SANBR: variants seen among roughly 807,000 people sequenced by gnomAD.
The protein encoded by SANBR is SANT and BTB domain regulator of CSR, also known as SANT and BTB domain regulator of class switch recombination.
SANBR carries 77 observed loss-of-function variants against 101.8 expected under a neutral mutation model. The ratio of observed to expected loss-of-function variants is 0.76; its 90% CI spans 0.63 to 0.91. The LOEUF (loss-of-function observed/expected upper bound fraction) is 0.91. Among genes scored for constraint, SANBR ranks in the 40% least tolerant of loss-of-function variants. The pLI is 0.00. For synonymous variants in SANBR, 279 were observed against 274.7 expected (o/e 1.02, Z -0.15); for missense variants, 875 against 853.0 (o/e 1.03, Z -0.32).
chr2:61,097,814 C>G lies in SANBR; in HGVS notation c.1327C>G (p.Gln443Glu), dbSNP rs1325247642. 6.2e-7 allele frequency: 1 copy of G among 1,613,196 alleles called. No homozygotes were observed. Among genetic ancestry groups the G allele is most frequent in the Middle Eastern group, 1.7e-4 (1 of 6,052 alleles). The change falls in exon 12 of 22, where the codon CAA becomes GAA. Residue 443 changes from glutamine to glutamate, a missense_variant. Physicochemically the swap from Gln to Glu is conservative, Grantham distance 29. Coordinates refer to ENST00000402291, the MANE Select transcript of SANBR (RefSeq NM_001129993.3). ...CACTGGAATTTATCCCTGCTGTAAC[C>G]AAAAGGTTCTTCGGTTTGATCCTAC... ...VGTGIYPCCN[Q>E]KVLRFDPTQL...
chr2:61,081,326 G>A lies in SANBR; in HGVS notation c.671-126G>A, dbSNP rs781291356. ...TTTATTTTATGTATCTAACCCATAAGCTATAATAAGATTGTATTAAATTAT... is the reference window on the plus strand; with the variant it reads ...TTTATTTTATGTATCTAACCCATAAACTATAATAAGATTGTATTAAATTAT... On this transcript the variant is annotated intron_variant, in intron 6 of 21. Transcript: ENST00000402291. 2.8e-4 allele frequency: 256 copies of A among 928,046 alleles called. 2 individuals are homozygous for A. The highest frequency in any genetic ancestry group is 3.8e-4 in the Non-Finnish European group (244 of 641,706). 57.5% of individuals were successfully genotyped at this position (928,046 alleles called of 1,614,324 possible).
intron 20 of SANBR, among the ~76,000 whole-genome samples, chr2:61,118,501 A>G (rs1684185030): frequency 6.6e-6 from 1 of 151,204 alleles, no homozygotes; most frequent in Non-Finnish European, 1.5e-5. Context: ...TTGGCCTCCC[A>G]AAGTGCTGGG....
At chr2:61,074,794 C>G (rs1203400814) in intron 5 of SANBR, among the ~76,000 whole-genome samples, 2 of 152,146 alleles carry the variant, frequency 1.3e-5, no homozygotes, top group Non-Finnish European at 2.9e-5. Flanking sequence ...ATATTTTATA[C>G]TCTAGTCTAA....
chr2:61,070,973 C>T (rs1367028253), intron 3 of SANBR, among the ~76,000 whole-genome samples: 1 of 151,614 alleles, frequency 6.6e-6, no homozygotes, highest in Non-Finnish European at 1.5e-5. Context: ...CTTTCTGCCA[C>T]TTCCTCCCAA....
chr2:61,086,361 A>G (rs1030741163), intron 8 of SANBR, among the ~76,000 whole-genome samples: 1 of 151,724 alleles, frequency 6.6e-6, no homozygotes, highest in Admixed American at 6.6e-5. Context: ...CCTAAAATAA[A>G]TTAAATAAAT....
At chr2:61,086,593 A>G (rs1390456397) in intron 8 of SANBR, among the ~76,000 whole-genome samples, 1 of 152,148 alleles carries the variant, frequency 6.6e-6, no homozygotes, top group Non-Finnish European at 1.5e-5. Flanking sequence ...AAGTGACCAA[A>G]TGTGTGGAAT....
At chr2:61,083,583 A>AT (rs1354027001) in intron 8 of SANBR, among the ~76,000 whole-genome samples, 2 of 148,506 alleles carry the variant, frequency 1.3e-5, no homozygotes, top group African/African-American at 2.6e-5. Flanking sequence ...AAAAAAAAAA[A>AT]TTTTGACCAG....
chr2:61,108,343 A>T lies in SANBR; in HGVS notation c.1638A>T (p.Leu546=), dbSNP rs187649382. Reference sequence around the variant, plus strand: ...TCTTGTCATTGAAAAACTGGACTCTACAACTGGTAAGTGAGCAATTACAGT... The same window carrying T: ...TCTTGTCATTGAAAAACTGGACTCTTCAACTGGTAAGTGAGCAATTACAGT... ...NAFLSLKNWT[L]QLKQQSLFSE... is the part of the protein sequence containing the mutation. Residue 546 remains leucine, a synonymous_variant, in exon 15 of 22, where the codon CTA becomes CTT. Coordinates refer to ENST00000402291, the MANE Select transcript of SANBR (RefSeq NM_001129993.3). 62 of 1,570,930 alleles carry T rather than the reference A, an allele frequency of 3.9e-5. No homozygotes were observed. The highest frequency in any genetic ancestry group is 5.3e-5 in the Non-Finnish European group (61 of 1,153,570).
At chr2:61,094,665 T>TG (rs1373133122) in intron 11 of SANBR, among the ~76,000 whole-genome samples, 1 of 135,404 alleles carries the variant, frequency 7.4e-6, no homozygotes, top group Admixed American at 7.9e-5. Context: ...TTTTTTGAGA[T>TG]GGAGTTTCAC....
At chr2:61,082,548 G>C (rs554829730) in intron 7 of SANBR, among the ~76,000 whole-genome samples, 1 of 152,192 alleles carries the variant, frequency 6.6e-6, no homozygotes, top group African/African-American at 2.4e-5. Context: ...CAGACCAGGC[G>C]CGGTGGCTCA....
At chr2:61,117,433 A>G in intron 18 of SANBR, 34 bp from the exon 19 acceptor site, 1 of 1,612,786 alleles carries the variant, frequency 6.2e-7, no homozygotes, top group Non-Finnish European at 8.5e-7. Context: ...TTAAAGAAGC[A>G]TCAATGCTGA....
Position 61,122,553 on chromosome 2 carries a change from T to A in SANBR, c.*391T>A. 2 of 995,044 alleles carry A rather than the reference T, an allele frequency of 2.0e-6. No individual in the cohort carries two copies. The highest frequency in any genetic ancestry group is 1.7e-5 in the African/African-American group (1 of 57,682). The allele number at this position is 995,044 out of a possible 1,614,324, so 61.6% of individuals were successfully genotyped here. A position where few individuals can be genotyped will look rare whatever the true frequency, so the allele number is the denominator to read the frequency against. The stretch of plus-strand genomic sequence containing the variant: ...TAGTGTTACCATGCATGGCACTGAT[T>A]GTAGTATGTCTTTGGAGCTGTAAAT... On this transcript the variant is annotated 3_prime_UTR_variant, in exon 22 of 22. Transcript: ENST00000402291.
chr2:61,087,198 A>G (rs1682480398), intron 8 of SANBR, among the ~76,000 whole-genome samples: 1 of 152,188 alleles, frequency 6.6e-6, no homozygotes, highest in South Asian at 2.1e-4. Context: ...TCATATACCT[A>G]GTTATTGGTA....
intron 14 of SANBR, among the ~76,000 whole-genome samples, chr2:61,107,321 A>G (rs973572635): frequency 2.0e-5 from 3 of 152,154 alleles, no homozygotes; most frequent in African/African-American, 7.2e-5. Context: ...TTTTATTGTA[A>G]TTAGGAATAT....
chr2:61,116,096 A>T, intron 17 of SANBR, 26 bp downstream of exon 17: 1 of 1,469,988 alleles, frequency 6.8e-7, no homozygotes, highest in Non-Finnish European at 9.4e-7. Flanking sequence ...CTGTTGTTAA[A>T]GTTCATATGG....
chr2:61,101,739 A>T (rs1466262824), intron 12 of SANBR, among the ~76,000 whole-genome samples: 3 of 148,096 alleles, frequency 2.0e-5, no homozygotes, highest in Admixed American at 6.8e-5. Flanking sequence ...AAAAAAAAAA[A>T]TTGTATATAT....
At chr2:61,109,327 C>A in intron 16 of SANBR, 31 bp downstream of exon 16, 1 of 1,266,326 alleles carries the variant, frequency 7.9e-7, no homozygotes, top group Non-Finnish European at 1.1e-6. Flanking sequence ...ATCAAATCTC[C>A]CTGTTTATGA....
chr2:61,080,081 C>T (rs1192170195), intron 6 of SANBR, among the ~76,000 whole-genome samples: 2 of 151,548 alleles, frequency 1.3e-5, no homozygotes, highest in Non-Finnish European at 2.9e-5. Flanking sequence ...CCTGTAGTCC[C>T]AGCTACTCGG....
chr2:61,093,946 G>T (rs1489909943), intron 11 of SANBR: 1 of 191,954 alleles, frequency 5.2e-6, no homozygotes, highest in Non-Finnish European at 9.6e-6. Flanking sequence ...ATGTATAAAT[G>T]CAGAGTTTTC....
Sources: allele counts gnomAD v4.1 joint callset (sites outside exome capture counted in the v4.1 genomes callset), GRCh38; gene constraint gnomAD v4.1.1; transcripts MANE v1.5; gene names NCBI Gene and HGNC (gene_info 2026-07-23, HGNC 2026-07-21).